Variants in DPY19L1 observed in about 807,000 individuals in gnomAD.
The protein encoded by DPY19L1 is dpy-19 like C-mannosyltransferase 1.
DPY19L1 carries 35 observed loss-of-function variants against 96.9 expected under a neutral mutation model. The ratio of observed to expected loss-of-function variants is 0.36; its 90% CI spans 0.28 to 0.48. DPY19L1 has a LOEUF of 0.48. Among genes scored for constraint, DPY19L1 ranks in the 20% least tolerant of loss-of-function variants. The pLI is 0.99. For synonymous variants in DPY19L1, 205 were observed against 252.6 expected, an observed-to-expected ratio of 0.81 and a Z score of 1.79; for missense variants, 521 against 777.9, an observed-to-expected ratio of 0.67 and a Z score of 3.93.
At chr7:34,980,348 T>G (rs2128670112) in intron 7 of DPY19L1, among the ~76,000 whole-genome samples, 1 of 152,194 alleles carries the variant, frequency 6.6e-6, no homozygotes, top group East Asian at 1.9e-4. Flanking sequence ...TGAGAAAACC[T>G]TCATGACCTA....
upstream of DPY19L1, chr7:35,037,963 CTGT>C (rs2128686226): frequency 8.5e-7 from 1 of 1,173,396 alleles, no homozygotes; most frequent in South Asian, 4.3e-5. Context: ...GTTTCGGAGC[CTGT>C]TAAGGCTGCG....
chr7:34,982,786 A>G (rs1254262385), intron 7 of DPY19L1, among the ~76,000 whole-genome samples: 1 of 152,224 alleles, frequency 6.6e-6, no homozygotes, highest in Non-Finnish European at 1.5e-5. Flanking sequence ...GGACACACAC[A>G]GACATACACA....
chr7:34,970,142 T>C (rs1637682), intron 8 of DPY19L1, among the ~76,000 whole-genome samples: 37,903 of 152,030 alleles, frequency 0.25, 5,237 homozygotes, highest in Admixed American at 0.39. Flanking sequence ...TCTAAACCTG[T>C]GAGCCAACGC....
intron 8 of DPY19L1, among the ~76,000 whole-genome samples, chr7:34,970,441 C>G (rs773341817): frequency 6.6e-6 from 1 of 152,084 alleles, no homozygotes; most frequent in African/African-American, 2.4e-5. Context: ...TTTAAAAATG[C>G]AGATCAGCAG....
Position 34,941,816 on chromosome 7 carries a change from G to A in DPY19L1, c.1638C>T (p.Leu546=). The A allele has an allele frequency of 1.3e-6, 2 of 1,590,606 alleles. No individual in the cohort carries two copies. Among genetic ancestry groups the A allele is most frequent in the East Asian group, 2.2e-5 (1 of 44,684 alleles). The part of the protein sequence containing the change: ...ALGILIMRLK[L]FLTPHMCVMA... ...TAACACACATGTGTGGTGTCAAGAAGAGTTTTAGTCTCATAATTAAAATAC... is the reference window on the plus strand; with the variant it reads ...TAACACACATGTGTGGTGTCAAGAAAAGTTTTAGTCTCATAATTAAAATAC... Residue 546 remains leucine, a synonymous_variant, in exon 18 of 22, where the codon CTC becomes CTT. Coordinates refer to ENST00000638088, the MANE Select transcript of DPY19L1 (RefSeq NM_001366673.1).
intron 7 of DPY19L1, among the ~76,000 whole-genome samples, chr7:34,984,285 T>C (rs1431948461): frequency 6.6e-6 from 1 of 151,918 alleles, no homozygotes; most frequent in Non-Finnish European, 1.5e-5. Flanking sequence ...AAATGCCCAG[T>C]TGTGAAGGAT....
chr7:35,022,072 C>T (rs928091515), intron 1 of DPY19L1, among the ~76,000 whole-genome samples: 2 of 150,296 alleles, frequency 1.3e-5, no homozygotes, highest in African/African-American at 2.4e-5. Flanking sequence ...CCCTAAAGAG[C>T]TTTTCTAGCC....
At chr7:35,013,460 A>G (rs1785764445) in intron 4 of DPY19L1, 108 bp downstream of exon 4, 1 of 839,070 alleles carries the variant, frequency 1.2e-6, no homozygotes, top group South Asian at 2.0e-5. Context: ...CTTTTAAAAA[A>G]TTAAATACAA....
chr7:34,968,099 G>A (rs1202108754), intron 9 of DPY19L1, among the ~76,000 whole-genome samples: 1 of 152,024 alleles, frequency 6.6e-6, no homozygotes, highest in Admixed American at 6.6e-5. Context: ...GAATTTTCAA[G>A]AGACAATCTC....
chr7:35,008,442 G>A (rs1445960659), intron 6 of DPY19L1, among the ~76,000 whole-genome samples: 1 of 152,230 alleles, frequency 6.6e-6, no homozygotes, highest in Non-Finnish European at 1.5e-5. Context: ...CTCTTCAGTA[G>A]ATGTTGTGCC....
rs546154188 is a variant in DPY19L1, at chr7:34,930,942, A to C, written c.*631T>G. On this transcript the variant is annotated 3_prime_UTR_variant, in exon 22 of 22. Transcript: ENST00000638088. ...GATAATGCCATATGGCTGGAAGTTA[A>C]GGGAATTTCCTAACCACAAGGTCCA... is the stretch of plus-strand genomic sequence containing the variant. 2.6e-5 allele frequency: 4 copies of C among 152,340 alleles called. No individual in the cohort carries two copies. Among genetic ancestry groups the C allele is most frequent in the Admixed American group, 1.3e-4 (2 of 15,304 alleles). The allele number at this position is 152,340 out of a possible 1,614,324, so 9.4% of individuals were successfully genotyped here.
At position 35,010,438 on chromosome 7, in the gene DPY19L1, T is replaced by C. The variant is rs780350309; in HGVS notation, c.764+30A>G. The C allele has an allele frequency of 9.5e-6, 12 of 1,262,752 alleles. No homozygotes were observed. In the South Asian group the frequency reaches 1.6e-4, roughly 17 times the overall value. 78.2% of individuals were successfully genotyped at this position (1,262,752 alleles called of 1,614,324 possible). A position where few individuals can be genotyped will look rare whatever the true frequency, so the allele number is the denominator to read the frequency against. On this transcript the variant is annotated intron_variant, in intron 6 of 21. Transcript: ENST00000638088. ...TAATCAACTATTTTATTTTAGTATA[T>C]CTTATAAACACATACTAAAATATTC... is the stretch of plus-strand genomic sequence containing the variant.
At chr7:35,011,257 GTAAGTTTATTATGCTAGA>G (rs1229380564) in intron 5 of DPY19L1, 55 bp downstream of exon 5, 93 of 1,530,956 alleles carry the variant, frequency 6.1e-5, no homozygotes, top group South Asian at 2.1e-4. Flanking sequence ...AGTTTACAGT[GTAAGTTTATTATGCTAGA>G]TAAGTTTATT....
chr7:34,956,463 G>C (rs930375880), intron 11 of DPY19L1, among the ~76,000 whole-genome samples: 2 of 151,956 alleles, frequency 1.3e-5, no homozygotes, highest in Admixed American at 6.6e-5. Context: ...AACCTGAAAA[G>C]GGTGGCGGCC....
rs1457058329 is a variant in DPY19L1 at position 35,023,677 on chromosome 7, G to GT, written c.299-5082dup. 1.4e-4 allele frequency among the ~76,000 whole-genome samples: 21 copies of GT among 152,202 alleles called. No homozygotes were observed. The East Asian group carries it at 2.3e-3, about 17-fold the overall frequency. On this transcript the variant is annotated intron_variant, in intron 1 of 21. Transcript: ENST00000638088. ...CTATTCCCTCCAAGGCACATAGCTG[G>GT]TAAGTGGCTAGAGATGGTTGAACCC... is the stretch of plus-strand genomic sequence containing the variant.
chr7:34,951,224 A>T (rs1296319306), intron 13 of DPY19L1, among the ~76,000 whole-genome samples: 1 of 152,144 alleles, frequency 6.6e-6, no homozygotes, highest in East Asian at 1.9e-4. Flanking sequence ...TGTTCATTGC[A>T]AATGTTAAAC....
At chr7:34,957,326 G>C (rs552616097) in intron 11 of DPY19L1, among the ~76,000 whole-genome samples, 1 of 152,132 alleles carries the variant, frequency 6.6e-6, no homozygotes, top group Non-Finnish European at 1.5e-5. Context: ...AGTGAGCCAA[G>C]ATTGCGCCAT....
intron 4 of DPY19L1, among the ~76,000 whole-genome samples, chr7:35,012,961 A>G (rs2128678573): frequency 6.6e-6 from 1 of 152,276 alleles, no homozygotes; most frequent in South Asian, 2.1e-4. Context: ...ATATATATAT[A>G]TAAAATCAAT....
intron 11 of DPY19L1, among the ~76,000 whole-genome samples, chr7:34,957,082 C>A (rs969503236): frequency 6.6e-6 from 1 of 152,158 alleles, no homozygotes. Context: ...GACTTTTAGA[C>A]TTACAAAGTC....
Sources: allele counts gnomAD v4.1 joint callset (sites outside exome capture counted in the v4.1 genomes callset), GRCh38; gene constraint gnomAD v4.1.1; transcripts MANE v1.5; gene names NCBI Gene and HGNC (gene_info 2026-07-23, HGNC 2026-07-21).